The following SORBS2 variants were observed in gnomAD, a reference collection of about 807,000 sequenced individuals.
SORBS2 encodes the protein sorbin and SH3 domain-containing protein 2.
SORBS2 carries 46 observed loss-of-function variants against 97.7 expected under a neutral mutation model. The observed-to-expected ratio is 0.47, with a 90% CI of 0.37 to 0.60. The LOEUF is 0.60. SORBS2 is among the 20% of genes least tolerant of loss of function. The pLI, the probability that SORBS2 is intolerant of heterozygous loss-of-function variation, is 0.00. For missense variants in SORBS2, 1,316 were observed against 1,282.3 expected (o/e 1.03, Z -0.40); for synonymous variants, 476 against 473.4 (o/e 1.01, Z -0.07).
intron 4 of SORBS2, among the ~76,000 whole-genome samples, chr4:185,663,647 G>A (rs577860489): frequency 1.3e-5 from 2 of 152,202 alleles, no homozygotes; most frequent in African/African-American, 4.8e-5. Context: ...CCCAAGTTAA[G>A]TTTGGTGGAT....
chr4:185,922,970 A>T (rs2099261618), intron 1 of SORBS2, among the ~76,000 whole-genome samples: 1 of 152,210 alleles, frequency 6.6e-6, no homozygotes, highest in Admixed American at 6.5e-5. Flanking sequence ...AGTTAGATAC[A>T]AACCCTGAAC....
chr4:185,797,546 C>T (rs1190935724), intron 1 of SORBS2, among the ~76,000 whole-genome samples: 5 of 152,106 alleles, frequency 3.3e-5, no homozygotes. Flanking sequence ...CATGGGTGGC[C>T]ATTCATTCTG....
chr4:185,704,715 TTTTGA>T (rs2098317308), intron 2 of SORBS2, among the ~76,000 whole-genome samples: 1 of 151,560 alleles, frequency 6.6e-6, no homozygotes, highest in African/African-American at 2.4e-5. Flanking sequence ...ACTCTCCATG[TTTTGA>T]GAAATAAGAC....
At chr4:185,665,956 G>C (rs2097589557) in intron 4 of SORBS2, 1 of 1,245,378 alleles carries the variant, frequency 8.0e-7, no homozygotes, top group Non-Finnish European at 1.0e-6. Context: ...GAGGCTTTCT[G>C]GAGCTGGGAG....
intron 1 of SORBS2, among the ~76,000 whole-genome samples, chr4:185,781,639 TCCGGC>T (rs2099030768): frequency 5.5e-5 from 2 of 36,264 alleles, no homozygotes; most frequent in Admixed American, 1.9e-4. Context: ...TTCCATTGCC[TCCGGC>T]CTCTCCAGCG....
chr4:185,856,640 G>A (rs1434004933), intron 1 of SORBS2, among the ~76,000 whole-genome samples: 2 of 152,046 alleles, frequency 1.3e-5, no homozygotes, highest in East Asian at 3.9e-4. Context: ...TTAATGTGGT[G>A]GAAATTTAAC....
At chr4:185,943,850 C>T (rs917388779) in intron 1 of SORBS2, among the ~76,000 whole-genome samples, 3 of 152,168 alleles carry the variant, frequency 2.0e-5, no homozygotes, top group African/African-American at 7.2e-5. Flanking sequence ...TGAAGTACGT[C>T]ATGATGCCTA....
chr4:185,740,797 C>CAACTCAGCCCAGCACT (rs1562234867), intron 2 of SORBS2, among the ~76,000 whole-genome samples: 14 of 150,912 alleles, frequency 9.3e-5, no homozygotes, highest in Non-Finnish European at 1.9e-4. Flanking sequence ...AGCCCAGCAC[C>CAACTCAGCCCAGCACT]AACTCAGCCC....
At chr4:185,706,384 T>C (rs940921264) in intron 2 of SORBS2, among the ~76,000 whole-genome samples, 4 of 152,206 alleles carry the variant, frequency 2.6e-5, no homozygotes, top group African/African-American at 9.6e-5. Context: ...CTCTTTTCTC[T>C]TTTAGTTAGT....
At chr4:185,613,742 T>C (rs192445068) in intron 11 of SORBS2, among the ~76,000 whole-genome samples, 1 of 151,668 alleles carries the variant, frequency 6.6e-6, no homozygotes, top group Non-Finnish European at 1.5e-5. Context: ...TAGGCTGTTG[T>C]GTGAGCTGTA....
intron 2 of SORBS2, among the ~76,000 whole-genome samples, chr4:185,733,240 G>A (rs1364068039): frequency 1.3e-5 from 2 of 152,258 alleles, no homozygotes; most frequent in Non-Finnish European, 2.9e-5. Flanking sequence ...AGGGGTAAGA[G>A]AGCTAAATAA....
In SORBS2 at chr4:185,767,542, T is replaced by C. The variant is rs557379493; in HGVS notation, c.-198+7685A>G. Among the ~76,000 whole-genome samples the C allele has an allele frequency of 5.8e-4, 86 of 148,210 alleles. No homozygotes were observed. The South Asian group carries it at 0.01, about 18-fold the overall frequency. On this transcript the variant is annotated intron_variant, in intron 2 of 20. Transcript: ENST00000284776. ...AAAGAGAAAGAAAATGAAAGAGCTA[T>C]GCATTTGGTGAAATAATAAAAACAC...
At chr4:185,937,973 T>C (rs1468852949) in intron 1 of SORBS2, among the ~76,000 whole-genome samples, 1 of 151,498 alleles carries the variant, frequency 6.6e-6, no homozygotes, top group African/African-American at 2.4e-5. Flanking sequence ...AGACTGTCAG[T>C]GGCTGCCTGC....
intron 8 of SORBS2, among the ~76,000 whole-genome samples, 177 bp from the exon 21 acceptor site, chr4:185,618,808 A>G (rs2096665708): frequency 6.6e-6 from 1 of 152,252 alleles, no homozygotes; most frequent in Non-Finnish European, 1.5e-5. Context: ...TATTTAAGCT[A>G]TAATAGGAAT....
chr4:185,864,361 C>A (rs1047322250), intron 1 of SORBS2, among the ~76,000 whole-genome samples: 1 of 152,120 alleles, frequency 6.6e-6, no homozygotes, highest in Non-Finnish European at 1.5e-5. Context: ...TAAAGGACCA[C>A]GTTTATTTTT....
intron 1 of SORBS2, among the ~76,000 whole-genome samples, chr4:185,948,510 ATTTTTTTTTTT>A (rs34637572): frequency 1.3e-4 from 11 of 87,736 alleles, no homozygotes; most frequent in Non-Finnish European, 2.1e-4. Context: ...ATGAATTTCA[ATTTTTTTTTTT>A]TTTTTTTTTT....
intron 1 of SORBS2, among the ~76,000 whole-genome samples, chr4:185,806,007 C>G (rs1266235057): frequency 6.6e-6 from 1 of 152,232 alleles, no homozygotes; most frequent in Non-Finnish European, 1.5e-5. Flanking sequence ...CTCTCTTAAA[C>G]TTTTGTTGTT....
chr4:185,611,723 C>A (rs781232766), intron 12 of SORBS2, 57 bp downstream of exon 24: 1 of 1,357,434 alleles, frequency 7.4e-7, no homozygotes, highest in African/African-American at 1.4e-5. Context: ...AGTCACACAC[C>A]GATTATCTTA....
chr4:185,806,481 G>A (rs1484142816), intron 1 of SORBS2, among the ~76,000 whole-genome samples: 5 of 101,130 alleles, frequency 4.9e-5, no homozygotes, highest in East Asian at 6.5e-4. Context: ...TTTTTGAGAC[G>A]GAGTCTCGCT....
Sources: gnomAD v4.1 joint callset for allele counts (sites outside exome capture counted in the v4.1 genomes callset) on GRCh38, gnomAD v4.1.1 for gene constraint, MANE v1.5 for transcripts, NCBI Gene and HGNC (gene_info 2026-07-23, HGNC 2026-07-21) for gene names.